The following ZNF76 variants were observed in gnomAD, a reference collection of about 807,000 sequenced individuals.
ZNF76 encodes zinc finger protein 523.
Under a neutral mutation model 66.9 loss-of-function variants are expected in ZNF76, and 66 were observed. That is an observed-to-expected ratio of 0.99 (90% CI 0.81 to 1.21). The LOEUF is 1.21. ZNF76 is among the 50% of genes most tolerant of loss of function. The probability of loss-of-function intolerance (pLI) is 0.00; values close to 1 mark genes in which losing one functional copy is unlikely to be tolerated. For synonymous variants in ZNF76, 275 were observed against 296.1 expected (o/e 0.93, Z 0.73); for missense variants, 729 against 760.3 (o/e 0.96, Z 0.48).
Position 35,292,662 on chromosome 6 carries a change from G to C in ZNF76, c.1040G>C (p.Cys347Ser). The change falls in exon 10 of 14, where the codon TGC becomes TCC. Residue 347 changes from cysteine to serine, a missense_variant. Transcript: ENST00000373953. This position sits in a 1 kb window ranked among gnomAD's most constrained non-coding sequence, Gnocchi z 4.7. ...CACACACACTGCAAGCCCTACACCTGCAGCACCTGCGGCAAGACCTACCGG... is the reference window on the plus strand; with the variant it reads ...CACACACACTGCAAGCCCTACACCTCCAGCACCTGCGGCAAGACCTACCGG... Reference protein sequence around the residue: ...VVHTHCKPYTCSTCGKTYRQT... With the variant: ...VVHTHCKPYTSSTCGKTYRQT... 1 of 1,614,154 alleles carries C rather than the reference G, an allele frequency of 6.2e-7. No homozygotes were observed. The highest frequency in any genetic ancestry group is 1.1e-5 in the South Asian group (1 of 91,082).
Position 35,292,957 on chromosome 6 carries a change from A to G in ZNF76, c.1242A>G (p.Arg414=). ...IAYLSEVKEE[R]DDIPAQVAMV... is the part of the protein sequence containing the mutation. ...ACCTTTCGGAGGTGAAGGAAGAGAG[A>G]GATGACATCCCAGCCCAGGTGGCGA... The change falls in exon 11 of 14, where the codon AGA becomes AGG. Residue 414 remains arginine (R), a synonymous_variant. Transcript: ENST00000373953. The surrounding 1 kb of genome is among the most constrained non-coding windows in gnomAD (Gnocchi z 4.7). 6.2e-7 allele frequency: 1 copy of G among 1,614,192 alleles called. No individual in the cohort carries two copies. The highest frequency in any genetic ancestry group is 2.2e-5 in the East Asian group (1 of 44,886).
intron 2 of ZNF76, among the ~76,000 whole-genome samples, chr6:35,285,825 T>C (rs1789477532): frequency 6.6e-6 from 1 of 152,218 alleles, no homozygotes; most frequent in African/African-American, 2.4e-5. Context: ...AACTTACTAT[T>C]AGGTTGGAAG....
chr6:35,286,688 G>A, intron 4 of ZNF76: 1 of 504,782 alleles, frequency 2.0e-6, no homozygotes, highest in Non-Finnish European at 3.6e-6. Context: ...GCTTTAAATA[G>A]GACCCGAGGA....
At chr6:35,269,721 C>T (rs1426188668) in intron 1 of ZNF76, among the ~76,000 whole-genome samples, 1 of 152,158 alleles carries the variant, frequency 6.6e-6, no homozygotes, top group South Asian at 2.1e-4. Flanking sequence ...TCTTCTCAAC[C>T]CAGGAAATAC....
At position 35,266,453 on chromosome 6, in the gene ZNF76, T is replaced by C. The variant is rs191146734; in HGVS notation, c.-97+6612T>C. Among the ~76,000 whole-genome samples, 805 of 152,234 alleles carry C rather than the reference T, an allele frequency of 5.3e-3. 2 individuals carry two copies. Among genetic ancestry groups the C allele is most frequent in the Non-Finnish European group, 8.7e-3 (590 of 68,012 alleles). On this transcript the variant is annotated intron_variant, in intron 1 of 13. Coordinates refer to ENST00000373953, the MANE Select transcript of ZNF76 (RefSeq NM_003427.5). The stretch of plus-strand genomic sequence containing the variant: ...ATGGTAAAATTCCCATCTACTGAAA[T>C]TGGGGAGCCTGGAAGGAGGGCAGGT...
Position 35,272,542 on chromosome 6 carries a change from G to A in ZNF76, c.-96-8514G>A, listed in dbSNP as rs544564423. ...ATATGCACATATATATATCCAAGAG[G>A]TAGTTGGACTTCTGGTAGTTAAAGG... On this transcript the variant is annotated intron_variant, in intron 1 of 13. Coordinates refer to ENST00000373953, the MANE Select transcript of ZNF76 (RefSeq NM_003427.5). Among the ~76,000 whole-genome samples the A allele has an allele frequency of 4.6e-5, 7 of 151,994 alleles. No homozygotes were observed. The East Asian group carries it at 1.4e-3, about 30-fold the overall frequency.
intron 1 of ZNF76, among the ~76,000 whole-genome samples, chr6:35,267,910 CCCT>C (rs1043219481): frequency 6.6e-6 from 1 of 152,184 alleles, no homozygotes; most frequent in African/African-American, 2.4e-5. Flanking sequence ...TCAGTTCCTT[CCCT>C]CCTCCATTCT....
intron 5 of ZNF76, among the ~76,000 whole-genome samples, chr6:35,289,060 T>C (rs1401928599): frequency 1.3e-5 from 2 of 152,026 alleles, no homozygotes; most frequent in African/African-American, 4.8e-5. Context: ...TCGATGTTGA[T>C]GTAAAGAGAA....
In ZNF76 at chr6:35,267,441, T is replaced by C. The variant is rs890438443; in HGVS notation, c.-97+7600T>C. On this transcript the variant is annotated intron_variant, in intron 1 of 13. Transcript: ENST00000373953. Reference sequence around the variant, plus strand: ...AGGAATGAGTTGTGTTCTCAGCCCCTCCTATTGTGGGAGTTGATGAATTAA... The same window carrying C: ...AGGAATGAGTTGTGTTCTCAGCCCCCCCTATTGTGGGAGTTGATGAATTAA... 2.0e-5 allele frequency among the ~76,000 whole-genome samples: 3 copies of C among 152,126 alleles called. No individual in the cohort carries two copies. The East Asian group carries it at 5.8e-4, about 29-fold the overall frequency.
chr6:35,294,336 C>T (rs1174444179), intron 12 of ZNF76, 120 bp from the exon 13 acceptor site: 9 of 704,852 alleles, frequency 1.3e-5, no homozygotes, highest in Non-Finnish European at 1.7e-5. Context: ...CTGACCCATA[C>T]GGTTTTATCC....
At chr6:35,290,199 A>G in intron 5 of ZNF76, 67 bp from the exon 6 acceptor site, 1 of 1,591,856 alleles carries the variant, frequency 6.3e-7, no homozygotes, top group East Asian at 2.2e-5. Flanking sequence ...AGCTGCCAGC[A>G]GGGCCCTGTG....
chr6:35,295,683 A>C lies in ZNF76; in HGVS notation c.*435A>C. 4.8e-6 allele frequency: 1 copy of C among 206,800 alleles called. No individual in the cohort carries two copies. 12.8% of individuals were successfully genotyped at this position (206,800 alleles called of 1,614,324 possible). ...GCCCTGTCCTGCCCTCCCAGCAATA[A>C]CCACCTCCCTGGAGGCCAGCTGAGA... On this transcript the variant is annotated 3_prime_UTR_variant, in exon 14 of 14. Coordinates refer to ENST00000373953, the MANE Select transcript of ZNF76 (RefSeq NM_003427.5).
chr6:35,275,919 G>C (rs185879346), intron 1 of ZNF76, among the ~76,000 whole-genome samples: 11 of 152,156 alleles, frequency 7.2e-5, no homozygotes, highest in Admixed American at 6.5e-4. Flanking sequence ...GAGTGCTGAC[G>C]GTGTGCCAGT....
intron 5 of ZNF76, among the ~76,000 whole-genome samples, chr6:35,289,136 T>C (rs1790020748): frequency 6.6e-6 from 1 of 152,088 alleles, no homozygotes; most frequent in African/African-American, 2.4e-5. Context: ...AGTCCAAACT[T>C]GGGTGAGTCC....
chr6:35,292,724 C>A lies in ZNF76; in HGVS notation c.1102C>A (p.His368Asn). 1 of 1,614,096 alleles carries A rather than the reference C, an allele frequency of 6.2e-7. No individual in the cohort carries two copies. The highest frequency in any genetic ancestry group is 1.1e-5 in the South Asian group (1 of 91,064). Residue 368 changes from histidine to asparagine, a missense_variant, in exon 10 of 14, where the codon CAC becomes AAC. By Grantham distance (68) the His-to-Asn change is moderately conservative. Coordinates refer to ENST00000373953, the MANE Select transcript of ZNF76 (RefSeq NM_003427.5). This position sits in a 1 kb window ranked among gnomAD's most constrained non-coding sequence, Gnocchi z 4.7. ...CTTGGCCATGCACAAGCGCAGTGCCCACGGCGAGCTGGAGGCCACGGAGGA... is the reference window on the plus strand; with the variant it reads ...CTTGGCCATGCACAAGCGCAGTGCCAACGGCGAGCTGGAGGCCACGGAGGA... ...STLAMHKRSA[H>N]GELEATEESE...
intron 9 of ZNF76, 164 bp downstream of exon 9, chr6:35,291,901 A>T: frequency 1.3e-6 from 1 of 741,254 alleles, no homozygotes. Flanking sequence ...CTCTGCTTGC[A>T]GTGAGTAATT....
At chr6:35,288,033 G>T (rs750573389) in intron 5 of ZNF76, 188 bp downstream of exon 5, 6 of 731,826 alleles carry the variant, frequency 8.2e-6, no homozygotes, top group Non-Finnish European at 2.4e-6. Context: ...ACACATCATT[G>T]TCTAGGGCAT....
At chr6:35,266,488 G>A (rs764406076) in intron 1 of ZNF76, among the ~76,000 whole-genome samples, 27 of 152,182 alleles carry the variant, frequency 1.8e-4, no homozygotes, top group Admixed American at 2.6e-4. Flanking sequence ...TTGTTAGAAG[G>A]AGGAGATAAG....
chr6:35,271,758 C>T (rs1787099125), intron 1 of ZNF76, among the ~76,000 whole-genome samples: 1 of 151,926 alleles, frequency 6.6e-6, no homozygotes. Flanking sequence ...CACTGTGACA[C>T]TATTCCACAA....
Sources: allele counts gnomAD v4.1 joint callset (sites outside exome capture counted in the v4.1 genomes callset), GRCh38; gene constraint gnomAD v4.1.1; non-coding constraint Gnocchi (gnomAD v3.1); transcripts MANE v1.5; gene names NCBI Gene and HGNC (gene_info 2026-07-23, HGNC 2026-07-21).